Variants in VPS39 observed in about 807,000 individuals in gnomAD.
The protein encoded by VPS39 is VPS39 subunit of HOPS complex.
Under a neutral mutation model 121.0 loss-of-function variants are expected in VPS39, and 70 were observed. That is an observed-to-expected ratio of 0.58 (90% CI 0.48 to 0.71). The LOEUF (loss-of-function observed/expected upper bound fraction) is 0.71. VPS39 is among the 30% of genes least tolerant of loss of function. The pLI, the probability that VPS39 is intolerant of heterozygous loss-of-function variation, is 0.00. For missense variants in VPS39, 818 were observed against 1,051.5 expected, an observed-to-expected ratio of 0.78 and a Z score of 3.07; for synonymous variants, 378 against 398.1, an observed-to-expected ratio of 0.95 and a Z score of 0.60.
chr15:42,167,424 G>A lies in VPS39; in HGVS notation c.1347C>T (p.Ile449=), dbSNP rs1271125369. Reference sequence around the variant, plus strand: ...GATAGCACTTGAGCAGGGTGGTGTCGATGATTTGTAGCAGCTTCTTCTTGG... The same window carrying A: ...GATAGCACTTGAGCAGGGTGGTGTCAATGATTTGTAGCAGCTTCTTCTTGG... ...IKSKKKLLQI[I]DTTLLKCYLH... is the part of the protein sequence containing the mutation. The change falls in exon 13 of 25, where the codon ATC becomes ATT. Residue 449 remains isoleucine, a synonymous_variant. Coordinates refer to ENST00000318006, the MANE Select transcript of VPS39 (RefSeq NM_015289.5). 5.0e-6 allele frequency: 8 copies of A among 1,614,040 alleles called. No homozygotes were observed. The highest frequency in any genetic ancestry group is 2.2e-5 in the East Asian group (1 of 44,888).
intron 2 of VPS39, 147 bp downstream of exon 2, chr15:42,199,749 G>C: frequency 1.3e-6 from 1 of 778,720 alleles, no homozygotes. Flanking sequence ...AAAAACCCTA[G>C]GCATTCTCAA....
intron 2 of VPS39, chr15:42,192,031 C>G: frequency 1.3e-6 from 2 of 1,535,750 alleles, no homozygotes; most frequent in Non-Finnish European, 1.7e-6. Context: ...AAACCCATCT[C>G]CAGAGCTAAA....
chr15:42,178,590 C>T lies in VPS39; in HGVS notation c.719-20G>A, dbSNP rs2049507579. On this transcript the variant is annotated intron_variant, in intron 8 of 24. Coordinates refer to ENST00000318006, the MANE Select transcript of VPS39 (RefSeq NM_015289.5). ...GGTGCTCTGTGAAAGAGAACATACA[C>T]AGCAGTTGTTCCGGTCTAAGGCTTT... is the stretch of plus-strand genomic sequence containing the variant. 1 of 1,613,384 alleles carries T rather than the reference C, an allele frequency of 6.2e-7. No individual in the cohort carries two copies. Among genetic ancestry groups the T allele is most frequent in the South Asian group, 1.1e-5 (1 of 91,074 alleles).
intron 5 of VPS39, among the ~76,000 whole-genome samples, chr15:42,188,479 T>C (rs2049751172): frequency 6.6e-6 from 1 of 152,230 alleles, no homozygotes; most frequent in Admixed American, 6.5e-5. Flanking sequence ...AGACTCCATT[T>C]AATGTCTTAT....
At position 42,191,159 on chromosome 15, in the gene VPS39, C is replaced by G; in HGVS notation, c.213G>C (p.Val71=). ...NFSKKIQQIH[V]VSQFKILVSL... Reference sequence around the variant, plus strand: ...TGACCAGAATCTTAAACTGGGAAACCACATGGATCTGGAAAATAGGAAATC... The same window carrying G: ...TGACCAGAATCTTAAACTGGGAAACGACATGGATCTGGAAAATAGGAAATC... The change falls in exon 4 of 25, where the codon GTG becomes GTC. Residue 71 remains valine (V), a synonymous_variant. Coordinates refer to ENST00000318006, the MANE Select transcript of VPS39 (RefSeq NM_015289.5). 6.2e-7 allele frequency: 1 copy of G among 1,614,078 alleles called. No homozygotes were observed. The highest frequency in any genetic ancestry group is 8.5e-7 in the Non-Finnish European group (1 of 1,179,966).
In VPS39 at chr15:42,187,838, C is replaced by T. The variant is rs768126543; in HGVS notation, c.361G>A (p.Glu121Lys). ...ACTGCCACACACATCCGTAACACCT[C>T]CTCACCGGTCTCTGTGTGCTGGGAG... ...CDLQHTETGE[E>K]VLRMCVAVKK... The change falls in exon 6 of 25, where the codon GAG (glutamate) becomes AAG (lysine). Residue 121 changes from glutamate (E) to lysine (K), a missense_variant. Transcript: ENST00000318006. 1 of 1,614,188 alleles carries T rather than the reference C, an allele frequency of 6.2e-7. No homozygotes were observed. The highest frequency in any genetic ancestry group is 1.3e-5 in the African/African-American group (1 of 75,042).
At chr15:42,192,053 C>A (rs146476507) in intron 2 of VPS39, 4 of 1,536,204 alleles carry the variant, frequency 2.6e-6, no homozygotes, top group Non-Finnish European at 1.7e-6. Context: ...CAATTCAATG[C>A]GTCTACACTT....
intron 11 of VPS39, among the ~76,000 whole-genome samples, chr15:42,171,659 A>G (rs912090736): frequency 1.6e-4 from 24 of 152,372 alleles, no homozygotes; most frequent in African/African-American, 5.5e-4. Context: ...GGCATTAAAT[A>G]CATTCACACT....
intron 2 of VPS39, among the ~76,000 whole-genome samples, chr15:42,194,878 T>A (rs1256900192): frequency 1.3e-5 from 2 of 151,394 alleles, no homozygotes; most frequent in Non-Finnish European, 2.9e-5. Context: ...TGTGTTCAGG[T>A]GCTAACCAGT....
At chr15:42,185,419 G>A (rs890293456) in intron 7 of VPS39, among the ~76,000 whole-genome samples, 19 of 151,730 alleles carry the variant, frequency 1.3e-4, no homozygotes, top group African/African-American at 4.1e-4. Context: ...TCCTGACCTC[G>A]TGATCCACCC....
chr15:42,185,096 G>T (rs904566936), intron 7 of VPS39, among the ~76,000 whole-genome samples: 1 of 152,074 alleles, frequency 6.6e-6, no homozygotes, highest in Non-Finnish European at 1.5e-5. Context: ...CATTTGCCCA[G>T]GAATGCCAAT....
intron 1 of VPS39, among the ~76,000 whole-genome samples, chr15:42,204,163 A>G (rs2050121196): frequency 1.3e-5 from 2 of 152,234 alleles, no homozygotes; most frequent in South Asian, 2.1e-4. Flanking sequence ...GACCACAAAG[A>G]TAAGTAAGAT....
At chr15:42,164,274 A>C in intron 19 of VPS39, 84 bp downstream of exon 19, 1 of 1,557,978 alleles carries the variant, frequency 6.4e-7, no homozygotes, top group Non-Finnish European at 8.7e-7. Flanking sequence ...ACTTTTGTGG[A>C]GAGTTGGGGA....
chr15:42,192,105 C>T (rs2049840788), intron 2 of VPS39: 2 of 1,536,058 alleles, frequency 1.3e-6, no homozygotes, highest in Non-Finnish European at 1.7e-6. Context: ...GGCACTGTTA[C>T]AAAAAAGGGG....
chr15:42,206,209 GC>G (rs1184826665), intron 1 of VPS39, among the ~76,000 whole-genome samples: 2 of 152,120 alleles, frequency 1.3e-5, no homozygotes, highest in African/African-American at 4.8e-5. Flanking sequence ...ATACTATTTG[GC>G]CCTGTGTGAC....
At chr15:42,206,743 G>A (rs1427492097) in intron 1 of VPS39, among the ~76,000 whole-genome samples, 2 of 152,172 alleles carry the variant, frequency 1.3e-5, no homozygotes, top group Admixed American at 6.5e-5. Context: ...TGTGTCCTAG[G>A]AGCACAGGCA....
chr15:42,187,922 TAG>T, intron 5 of VPS39, 66 bp from the exon 6 acceptor site: 1 of 1,457,248 alleles, frequency 6.9e-7, no homozygotes, highest in Non-Finnish European at 9.6e-7. Flanking sequence ...ATAACTAAAT[TAG>T]AGATTGTCTA....
intron 7 of VPS39, among the ~76,000 whole-genome samples, chr15:42,186,454 TA>T (rs1484145179): frequency 1.3e-5 from 2 of 151,700 alleles, no homozygotes; most frequent in African/African-American, 4.8e-5. Context: ...TAAAATAAAA[TA>T]ACCAATGAAG....
In VPS39 at chr15:42,161,516, A is replaced by T. The variant is rs760624807; in HGVS notation, c.2552+166T>A. 1.8e-5 allele frequency: 14 copies of T among 779,020 alleles called. No individual in the cohort carries two copies. In the East Asian group the frequency reaches 3.4e-4, roughly 19 times the overall value. 48.3% of individuals were successfully genotyped at this position (779,020 alleles called of 1,614,324 possible). ...TAAATTCTCGAAGCCCACTCCCAAC[A>T]GATAGAACAGGCTGCTCTCTGAAGG... On this transcript the variant is annotated intron_variant, in intron 24 of 24. Transcript: ENST00000318006.
Sources: allele counts gnomAD v4.1 joint callset (sites outside exome capture counted in the v4.1 genomes callset), GRCh38; gene constraint gnomAD v4.1.1; transcripts MANE v1.5; gene names NCBI Gene and HGNC (gene_info 2026-07-23, HGNC 2026-07-21).